RNF11: variants seen among roughly 807,000 people sequenced by gnomAD.
RNF11 encodes the protein ring finger protein 11.
RNF11 carries 4 observed loss-of-function variants against 15.8 expected under a neutral mutation model. That is an observed-to-expected ratio of 0.25 (90% CI 0.12 to 0.58). The LOEUF is 0.58. Ranked by LOEUF, RNF11 falls within the 20% of genes least tolerant of loss-of-function variation. The probability of loss-of-function intolerance (pLI) is 0.91; values close to 1 mark genes in which losing one functional copy is unlikely to be tolerated. For synonymous variants in RNF11, 68 were observed against 72.3 expected (o/e 0.94, Z 0.30); for missense variants, 139 against 194.4 (o/e 0.71, Z 1.70).
At chr1:51,237,017 G>A (rs1247913096) in intron 1 of RNF11, 138 bp downstream of exon 1, 3 of 1,156,020 alleles carry the variant, frequency 2.6e-6, no homozygotes, top group Non-Finnish European at 3.5e-6. Flanking sequence ...TGGATCTGAG[G>A]GCATTTGCTC....
intron 1 of RNF11, among the ~76,000 whole-genome samples, chr1:51,244,237 G>C (rs1171193146): frequency 6.6e-6 from 1 of 152,222 alleles, no homozygotes; most frequent in Non-Finnish European, 1.5e-5. Context: ...GCATTTTGCT[G>C]TAAGAGTGTG....
intron 1 of RNF11, among the ~76,000 whole-genome samples, chr1:51,241,611 G>C (rs986459221): frequency 6.6e-6 from 1 of 152,174 alleles, no homozygotes; most frequent in African/African-American, 2.4e-5. Flanking sequence ...GAAAGTACTT[G>C]AATCCCTATT....
Position 51,237,201 on chromosome 1 carries a change from G to A in RNF11, c.123+322G>A, listed in dbSNP as rs957744319. Among the ~76,000 whole-genome samples the A allele has an allele frequency of 5.3e-5, 8 of 151,940 alleles. No individual in the cohort carries two copies. The East Asian group carries it at 1.5e-3, about 29-fold the overall frequency. On this transcript the variant is annotated intron_variant, in intron 1 of 2. Transcript: ENST00000242719. ...ATTTTCCTGTCTTTATGTCTGAATC[G>A]TATGATTTCCTCATCGCACCGCCAA...
Position 51,270,053 on chromosome 1 carries a change from T to C in RNF11, c.221T>C (p.Ile74Thr). The stretch of plus-strand genomic sequence containing the variant: ...GAACAAATTAGGATAGCTCAAAGAA[T>C]AGGTCTTATACAACATCTGCCTAAA... ...EEEQIRIAQR[I>T]GLIQHLPKGV... is the part of the protein sequence containing the mutation. The change falls in exon 2 of 3, where the codon ATA becomes ACA. Residue 74 changes from isoleucine to threonine, a missense_variant. Ile to Thr is a moderately conservative substitution (Grantham distance 89). Transcript: ENST00000242719. 1 of 1,613,752 alleles carries C rather than the reference T, an allele frequency of 6.2e-7. No individual in the cohort carries two copies. Among genetic ancestry groups the C allele is most frequent in the Non-Finnish European group, 8.5e-7 (1 of 1,179,792 alleles).
chr1:51,251,657 G>A (rs1646878860), intron 1 of RNF11, among the ~76,000 whole-genome samples: 1 of 152,112 alleles, frequency 6.6e-6, no homozygotes, highest in African/African-American at 2.4e-5. Context: ...TAAAATTTGG[G>A]CTGGGCATGG....
intron 1 of RNF11, among the ~76,000 whole-genome samples, chr1:51,241,352 T>C (rs1646828366): frequency 6.6e-6 from 1 of 152,220 alleles, no homozygotes; most frequent in South Asian, 2.1e-4. Context: ...TATAGTGCAT[T>C]GCAGCCTCCA....
chr1:51,260,535 C>T lies in RNF11; in HGVS notation c.124-9421C>T, dbSNP rs191741380. ...ACTTCTGAGCACATTGTCATTTTAT[C>T]TTACTGATTCAAAATTATTATTAGA... On this transcript the variant is annotated intron_variant, in intron 1 of 2. Coordinates refer to ENST00000242719, the MANE Select transcript of RNF11 (RefSeq NM_014372.5). Among the ~76,000 whole-genome samples the T allele has an allele frequency of 2.3e-3, 357 of 152,272 alleles. 5 individuals carry two copies. Among genetic ancestry groups the T allele is most frequent in the Non-Finnish European group, 3.5e-4 (24 of 68,028 alleles).
intron 1 of RNF11, among the ~76,000 whole-genome samples, chr1:51,256,104 ATCTT>A (rs1646902994): frequency 6.6e-6 from 1 of 152,160 alleles, no homozygotes; most frequent in Non-Finnish European, 1.5e-5. Flanking sequence ...CCCACTGTTT[ATCTT>A]AGAGTTCATT....
intron 1 of RNF11, among the ~76,000 whole-genome samples, chr1:51,259,067 A>G (rs1646917977): frequency 1.3e-5 from 2 of 152,194 alleles, no homozygotes; most frequent in South Asian, 2.1e-4. Flanking sequence ...TGTCCTGTTT[A>G]CTGTAAGATC....
intron 1 of RNF11, among the ~76,000 whole-genome samples, chr1:51,253,194 C>G (rs1280969918): frequency 3.3e-5 from 5 of 151,896 alleles, no homozygotes; most frequent in Non-Finnish European, 7.4e-5. Context: ...GTATATTTTA[C>G]TAATAAAAAA....
In RNF11 at chr1:51,271,576, T is replaced by G; in HGVS notation, c.*254T>G. The G allele has an allele frequency of 2.9e-6, 1 of 344,220 alleles. No homozygotes were observed. The highest frequency in any genetic ancestry group is 5.4e-6 in the Non-Finnish European group (1 of 185,308). The allele number at this position is 344,220 out of a possible 1,614,324, so 21.3% of individuals were successfully genotyped here. On this transcript the variant is annotated 3_prime_UTR_variant, in exon 3 of 3. Transcript: ENST00000242719. ...TATAATTGTATTTAGATCTTGTTAT[T>G]GCTCCAGTACATAGGAATTGTGTAA... is the stretch of plus-strand genomic sequence containing the variant.
rs775267881 is a variant in RNF11, at chr1:51,236,869, C to G, written c.113C>G (p.Pro38Arg). 6 of 1,611,836 alleles carry G rather than the reference C, an allele frequency of 3.7e-6. No individual in the cohort carries two copies. The highest frequency in any genetic ancestry group is 4.2e-6 in the Non-Finnish European group (5 of 1,179,080). Residue 38 changes from proline to arginine, a missense_variant, in exon 1 of 3, where the codon CCG (proline) becomes CGG (arginine). Pro to Arg is a moderately radical substitution (Grantham distance 103, BLOSUM62 -2). Transcript: ENST00000242719. Reference protein sequence around the residue: ...EGTEPDQEPPPPYQEQVPVPV... With the variant: ...EGTEPDQEPPRPYQEQVPVPV... The stretch of plus-strand genomic sequence containing the variant: ...ACGGAGCCGGATCAGGAGCCGCCGC[C>G]GCCATATCAGGTAGGGGAGGGTGTG...
At chr1:51,257,499 G>GAATGGAATAC (rs1307472168) in intron 1 of RNF11, among the ~76,000 whole-genome samples, 1 of 152,084 alleles carries the variant, frequency 6.6e-6, no homozygotes, top group Non-Finnish European at 1.5e-5. Flanking sequence ...CTGCGGACCA[G>GAATGGAATAC]AATGGAATAC....
At chr1:51,255,734 C>T (rs1646901649) in intron 1 of RNF11, among the ~76,000 whole-genome samples, 1 of 152,138 alleles carries the variant, frequency 6.6e-6, no homozygotes, top group African/African-American at 2.4e-5. Flanking sequence ...AAATAGTTTT[C>T]TTTTCTCATT....
intron 1 of RNF11, among the ~76,000 whole-genome samples, chr1:51,256,939 G>A (rs561822561): frequency 7.5e-4 from 114 of 152,288 alleles, no homozygotes; most frequent in Non-Finnish European, 7.6e-4. Context: ...TTTCCAAAGT[G>A]CTGGGATTAC....
At chr1:51,237,165 T>C (rs1043805354) in intron 1 of RNF11, among the ~76,000 whole-genome samples, 3 of 152,042 alleles carry the variant, frequency 2.0e-5, no homozygotes, top group Admixed American at 2.0e-4. Context: ...CTTGTGGAGT[T>C]TGGGAGTGAC....
intron 1 of RNF11, among the ~76,000 whole-genome samples, chr1:51,267,876 G>A (rs1427628173): frequency 6.6e-6 from 1 of 152,134 alleles, no homozygotes; most frequent in East Asian, 1.9e-4. Context: ...GATTACAGGC[G>A]TGCACCACCA....
At chr1:51,240,491 A>C (rs1646823766) in intron 1 of RNF11, among the ~76,000 whole-genome samples, 2 of 152,222 alleles carry the variant, frequency 1.3e-5, no homozygotes, top group East Asian at 3.9e-4. Flanking sequence ...CATGTGTTAG[A>C]AAGTTGCGTT....
chr1:51,260,931 A>G (rs1037820554), intron 1 of RNF11, among the ~76,000 whole-genome samples: 2 of 152,144 alleles, frequency 1.3e-5, no homozygotes, highest in African/African-American at 2.4e-5. Flanking sequence ...AAAATTTTTT[A>G]AAGTTTGGAA....
Sources: allele counts gnomAD v4.1 joint callset (sites outside exome capture counted in the v4.1 genomes callset), GRCh38; gene constraint gnomAD v4.1.1; transcripts MANE v1.5; gene names NCBI Gene and HGNC (gene_info 2026-07-23, HGNC 2026-07-21).